FAT3: variants seen among roughly 807,000 people sequenced by gnomAD.
FAT3 encodes FAT atypical cadherin 3, also known as protocadherin Fat 3.
In FAT3, 95 loss-of-function variants were observed where a neutral mutation model predicts 310.2. The observed-to-expected ratio is 0.31, with a 90% CI of 0.26 to 0.36. The LOEUF is 0.36. Among genes scored for constraint, FAT3 ranks in the 10% least tolerant of loss-of-function variants. The pLI, the probability that FAT3 is intolerant of heterozygous loss-of-function variation, is 1.00. For synonymous variants in FAT3, 2,314 were observed against 2,192.9 expected, an observed-to-expected ratio of 1.06 and a Z score of -1.54; for missense variants, 5,408 against 5,715.6, an observed-to-expected ratio of 0.95 and a Z score of 1.74.
chr11:92,489,097 G>T (rs1338241557), intron 2 of FAT3, among the ~76,000 whole-genome samples: 1 of 151,986 alleles, frequency 6.6e-6, no homozygotes, highest in Non-Finnish European at 1.5e-5. Flanking sequence ...TTGTGTTGAT[G>T]TTACTCTTGT....
At chr11:92,347,763 T>A (rs1172173646) in intron 1 of FAT3, among the ~76,000 whole-genome samples, 1 of 152,216 alleles carries the variant, frequency 6.6e-6, no homozygotes, top group Non-Finnish European at 1.5e-5. Context: ...GATGGCTTGA[T>A]GATCTCTTTG....
At position 92,800,733 on chromosome 11, in the gene FAT3, G is replaced by T; in HGVS notation, c.7720G>T (p.Ala2574Ser). 3.1e-6 allele frequency: 5 copies of T among 1,613,930 alleles called. No homozygotes were observed. Among genetic ancestry groups the T allele is most frequent in the East Asian group, 2.2e-5 (1 of 44,836 alleles). ...AGGGGATGTTAGTATTTTTGTGAGG[G>T]CCCTTGATGGTGGAGGGAGAACAAC... is the stretch of plus-strand genomic sequence containing the variant. ...LEGDVSIFVR[A>S]LDGGGRTTFC... is the part of the protein sequence containing the mutation. Residue 2574 changes from alanine to serine, a missense_variant, in exon 10 of 28, where the codon GCC becomes TCC. Ala to Ser is a moderately conservative substitution (Grantham distance 99, BLOSUM62 1). Coordinates refer to ENST00000525166, the MANE Select transcript of FAT3 (RefSeq NM_001367949.2).
intron 2 of FAT3, among the ~76,000 whole-genome samples, chr11:92,466,718 G>A (rs1308001492): frequency 7.1e-6 from 1 of 140,546 alleles, no homozygotes; most frequent in Non-Finnish European, 1.5e-5. Flanking sequence ...ATCTCCTAAT[G>A]CTATCCCTCC....
intron 3 of FAT3, among the ~76,000 whole-genome samples, chr11:92,589,130 T>A (rs999597798): frequency 6.6e-6 from 1 of 152,022 alleles, no homozygotes; most frequent in Non-Finnish European, 1.5e-5. Flanking sequence ...TGCTGGGTCA[T>A]AGGCATGTCC....
At chr11:92,888,367 A>G (rs10765571) in intron 25 of FAT3, among the ~76,000 whole-genome samples, 113,444 of 152,128 alleles carry the variant, frequency 0.75, 42,822 homozygotes, top group African/African-American at 0.85. Context: ...ACCTAAGAAT[A>G]TAGAGTCCAG....
intron 8 of FAT3, among the ~76,000 whole-genome samples, chr11:92,792,203 A>G (rs1031729902): frequency 6.6e-6 from 1 of 152,202 alleles, no homozygotes; most frequent in African/African-American, 2.4e-5. Context: ...CCTGAGCATT[A>G]TACCTATCTA....
rs770185976 is a variant in FAT3 at position 92,354,242 on chromosome 11, T to C, written c.2130T>C (p.Asp710=). 6 of 1,613,746 alleles carry C rather than the reference T, an allele frequency of 3.7e-6. No individual in the cohort carries two copies. The highest frequency in any genetic ancestry group is 5.1e-6 in the Non-Finnish European group (6 of 1,179,874). Residue 710 remains aspartate, a synonymous_variant, in exon 2 of 28, where the codon GAT becomes GAC. Transcript: ENST00000525166. The part of the protein sequence containing the change: ...AKANGKLNLE[D]GFLDFYSINR... ...CAAATGGGAAACTGAATCTGGAAGA[T>C]GGATTTCTTGACTTTTATTCAATTA...
intron 7 of FAT3, among the ~76,000 whole-genome samples, chr11:92,776,411 T>C (rs1454937825): frequency 6.6e-6 from 1 of 152,200 alleles, no homozygotes; most frequent in Non-Finnish European, 1.5e-5. Flanking sequence ...GAGAAATCAT[T>C]TAACAGCGTT....
intron 2 of FAT3, among the ~76,000 whole-genome samples, chr11:92,512,150 A>G (rs1015601841): frequency 1.3e-5 from 2 of 152,192 alleles, no homozygotes; most frequent in South Asian, 2.1e-4. Flanking sequence ...AGTGCATTGA[A>G]GTATACATTT....
intron 3 of FAT3, among the ~76,000 whole-genome samples, chr11:92,574,350 C>T (rs925314691): frequency 6.6e-6 from 1 of 152,130 alleles, no homozygotes; most frequent in Non-Finnish European, 1.5e-5. Context: ...AGTATCTTCT[C>T]CCATGAATCC....
intron 3 of FAT3, among the ~76,000 whole-genome samples, chr11:92,562,597 T>C (rs907498546): frequency 2.6e-5 from 4 of 152,182 alleles, no homozygotes; most frequent in African/African-American, 7.2e-5. Flanking sequence ...AGTCCCATGA[T>C]ATGCTATCTG....
At chr11:92,748,437 T>C (rs1266762241) in intron 4 of FAT3, among the ~76,000 whole-genome samples, 1 of 152,174 alleles carries the variant, frequency 6.6e-6, no homozygotes, top group East Asian at 1.9e-4. Context: ...GTTTTTCTCT[T>C]TTTCTTTCTT....
chr11:92,315,475 GTGTGTATATA>G (rs1422495394), intron 1 of FAT3, among the ~76,000 whole-genome samples: 28 of 76,658 alleles, frequency 3.7e-4, no homozygotes, highest in African/African-American at 1.3e-3. Context: ...GTGTGTGTGT[GTGTGTATATA>G]TATATATATA....
chr11:92,727,356 G>A (rs1189322674), intron 4 of FAT3, among the ~76,000 whole-genome samples: 1 of 151,960 alleles, frequency 6.6e-6, no homozygotes, highest in East Asian at 1.9e-4. Flanking sequence ...CATTGCCACC[G>A]ACTTCATGGG....
chr11:92,722,971 C>G (rs760663929), intron 4 of FAT3, among the ~76,000 whole-genome samples: 1 of 152,152 alleles, frequency 6.6e-6, no homozygotes, highest in Non-Finnish European at 1.5e-5. Context: ...GAGGGACTGC[C>G]TTGAAGACCT....
chr11:92,265,949 C>T (rs555107229), intron 1 of FAT3, among the ~76,000 whole-genome samples: 1 of 152,226 alleles, frequency 6.6e-6, no homozygotes, highest in Non-Finnish European at 1.5e-5. Flanking sequence ...ACGCTCCAGA[C>T]CTCTTTTTCC....
At chr11:92,884,737 C>T (rs1267197922) in intron 24 of FAT3, among the ~76,000 whole-genome samples, 1 of 152,108 alleles carries the variant, frequency 6.6e-6, no homozygotes, top group Non-Finnish European at 1.5e-5. Flanking sequence ...GTGTAGAGGA[C>T]AAGTAAAGGG....
chr11:92,419,027 G>T (rs1384820104), intron 2 of FAT3, among the ~76,000 whole-genome samples: 1 of 152,064 alleles, frequency 6.6e-6, no homozygotes, highest in Admixed American at 6.6e-5. Flanking sequence ...TTTTCAAAAG[G>T]AACTTCAGTG....
intron 1 of FAT3, among the ~76,000 whole-genome samples, chr11:92,234,856 T>G (rs963155389): frequency 6.7e-6 from 1 of 150,124 alleles, no homozygotes; most frequent in African/African-American, 2.5e-5. Flanking sequence ...GAGCCGAGAT[T>G]GTGCCATTGA....
Sources: allele counts gnomAD v4.1 joint callset (sites outside exome capture counted in the v4.1 genomes callset), GRCh38; gene constraint gnomAD v4.1.1; transcripts MANE v1.5; gene names NCBI Gene and HGNC (gene_info 2026-07-23, HGNC 2026-07-21).